The following ZNF385D variants were observed in gnomAD, a reference collection of about 807,000 sequenced individuals.
ZNF385D encodes zinc finger protein 659.
ZNF385D carries 15 observed loss-of-function variants against 35.8 expected under a neutral mutation model. That is an observed-to-expected ratio of 0.42 (90% CI 0.28 to 0.64). The LOEUF (loss-of-function observed/expected upper bound fraction) is 0.64, where lower values mean the gene tolerates loss of function less well. Among genes scored for constraint, ZNF385D ranks in the 30% least tolerant of loss-of-function variants. ZNF385D has a pLI of 0.23. For synonymous variants in ZNF385D, 212 were observed against 186.8 expected (o/e 1.13, Z -1.10); for missense variants, 474 against 494.6 (o/e 0.96, Z 0.39).
intron 3 of ZNF385D, among the ~76,000 whole-genome samples, chr3:21,519,769 C>T (rs1575095750): frequency 6.6e-6 from 1 of 152,184 alleles, no homozygotes; most frequent in Non-Finnish European, 1.5e-5. Flanking sequence ...AGAGAAACCA[C>T]TTCGTCTAGC....
At chr3:21,792,584 T>C (rs1318558383) in intron 3 of ZNF385D, among the ~76,000 whole-genome samples, 1 of 152,160 alleles carries the variant, frequency 6.6e-6, no homozygotes, top group Non-Finnish European at 1.5e-5. Flanking sequence ...ATAGGATCTT[T>C]GAACTGCTAA....
intron 2 of ZNF385D, among the ~76,000 whole-genome samples, chr3:22,180,245 G>T (rs1440501648): frequency 6.6e-6 from 1 of 152,154 alleles, no homozygotes; most frequent in Non-Finnish European, 1.5e-5. Context: ...GGAAGAAGTT[G>T]AATCTCTGAA....
chr3:22,031,552 G>A (rs568865898), intron 3 of ZNF385D, among the ~76,000 whole-genome samples: 21 of 152,282 alleles, frequency 1.4e-4, no homozygotes, highest in Admixed American at 2.6e-4. Flanking sequence ...GAGATGCAGG[G>A]CACCAAGTCC....
At chr3:21,663,634 T>C (rs1012849782) in intron 2 of ZNF385D, among the ~76,000 whole-genome samples, 1 of 151,938 alleles carries the variant, frequency 6.6e-6, no homozygotes, top group Admixed American at 6.6e-5. Flanking sequence ...CACCTAGGAT[T>C]AGAAACCTGT....
intron 3 of ZNF385D, among the ~76,000 whole-genome samples, chr3:21,974,830 C>A (rs946383188): frequency 3.9e-5 from 6 of 152,144 alleles, no homozygotes; most frequent in African/African-American, 1.4e-4. Flanking sequence ...CACAACATCA[C>A]TGATCATCAG....
chr3:22,027,969 C>T (rs1337553402), intron 3 of ZNF385D, among the ~76,000 whole-genome samples: 2 of 152,294 alleles, frequency 1.3e-5, no homozygotes, highest in East Asian at 3.9e-4. Flanking sequence ...TGAAGGATAG[C>T]AGTGAAGTGA....
rs1695210410 is a variant in ZNF385D, at chr3:21,834,652, GTTAC to G, written c.326-169628_326-169625del. Among the ~76,000 whole-genome samples the G allele has an allele frequency of 1.3e-5, 2 of 152,142 alleles. 1 individual carries two copies. Among genetic ancestry groups the G allele is most frequent in the Admixed American group, 1.3e-4 (2 of 15,260 alleles). On this transcript the variant is annotated intron_variant, in intron 3 of 5. Coordinates refer to the ZNF385D transcript ENST00000494108. ...AGGACAATTTGTATTCATCTTTTCT[GTTAC>G]TTAACGCATATCCTAAGTGACAGAC...
chr3:21,572,181 T>TATCA, intron 2 of ZNF385D, among the ~76,000 whole-genome samples: 1 of 152,180 alleles, frequency 6.6e-6, no homozygotes, highest in South Asian at 2.1e-4. Flanking sequence ...TAGATACTAC[T>TATCA]ATCACTTGGG....
intron 3 of ZNF385D, among the ~76,000 whole-genome samples, chr3:21,798,276 C>T (rs184342852): frequency 2.2e-4 from 34 of 152,274 alleles, no homozygotes; most frequent in African/African-American, 7.0e-4. Context: ...TGGCCTCACT[C>T]GGCTGAAATC....
At chr3:21,516,259 C>T (rs58227348) in intron 3 of ZNF385D, among the ~76,000 whole-genome samples, 3,623 of 152,238 alleles carry the variant, frequency 0.024, 61 homozygotes, top group African/African-American at 0.055. Flanking sequence ...TACTGCAGTA[C>T]GACGGTGTCA....
At chr3:22,291,635 G>C (rs573789389) in intron 2 of ZNF385D, among the ~76,000 whole-genome samples, 17 of 151,780 alleles carry the variant, frequency 1.1e-4, no homozygotes, top group African/African-American at 4.1e-4. Flanking sequence ...TAATTTTATT[G>C]TTTTACTGTA....
intron 2 of ZNF385D, among the ~76,000 whole-genome samples, chr3:21,619,698 T>A (rs2064948990): frequency 6.6e-6 from 1 of 152,114 alleles, no homozygotes; most frequent in Non-Finnish European, 1.5e-5. Context: ...CAGCTTTTGT[T>A]TTCCCAGCCC....
At chr3:22,097,330 G>A (rs914611719) in intron 3 of ZNF385D, among the ~76,000 whole-genome samples, 45 of 152,040 alleles carry the variant, frequency 3.0e-4, no homozygotes, top group Non-Finnish European at 7.4e-5. Flanking sequence ...ATATGGTGTT[G>A]GGTTTGGAAC....
intron 3 of ZNF385D, among the ~76,000 whole-genome samples, chr3:22,164,566 G>T (rs1280209472): frequency 6.6e-6 from 1 of 151,424 alleles, no homozygotes; most frequent in Non-Finnish European, 1.5e-5. Context: ...AAAGAAAAAA[G>T]GGCAGAGGGC....
chr3:22,229,770 A>G (rs1304507566), intron 2 of ZNF385D, among the ~76,000 whole-genome samples: 1 of 151,938 alleles, frequency 6.6e-6, no homozygotes, highest in African/African-American at 2.4e-5. Flanking sequence ...CCACTGCTGG[A>G]TACGTTCTTT....
intron 3 of ZNF385D, among the ~76,000 whole-genome samples, chr3:22,144,217 G>A (rs375695649): frequency 1.3e-5 from 2 of 152,092 alleles, no homozygotes; most frequent in Non-Finnish European, 2.9e-5. Flanking sequence ...TTCAAAAATA[G>A]AGACAACATT....
chr3:21,537,702 A>T (rs2062069879), intron 3 of ZNF385D, among the ~76,000 whole-genome samples: 1 of 152,076 alleles, frequency 6.6e-6, no homozygotes, highest in Non-Finnish European at 1.5e-5. Flanking sequence ...GAGGCCGAAA[A>T]GGAGTGAGTG....
intron 3 of ZNF385D, among the ~76,000 whole-genome samples, chr3:22,127,086 T>G (rs955258280): frequency 6.6e-6 from 1 of 152,076 alleles, no homozygotes; most frequent in East Asian, 1.9e-4. Context: ...GAAATGTGTT[T>G]CTTATAAGCA....
chr3:22,127,317 CTTTTTTTTT>C (rs71044975), intron 3 of ZNF385D, among the ~76,000 whole-genome samples: 11 of 56,304 alleles, frequency 2.0e-4, no homozygotes, highest in South Asian at 1.9e-3. Context: ...TCATTTCCTG[CTTTTTTTTT>C]TTTTTTTTTT....
Sources: allele counts gnomAD v4.1 joint callset (sites outside exome capture counted in the v4.1 genomes callset), GRCh38; gene constraint gnomAD v4.1.1; transcripts MANE v1.5; gene names NCBI Gene and HGNC (gene_info 2026-07-23, HGNC 2026-07-21).